SMARCAL1: variants seen among roughly 807,000 people sequenced by gnomAD.
SMARCAL1 encodes SNF2 related chromatin remodeling annealing helicase 1.
In SMARCAL1, 58 loss-of-function variants were observed where a neutral mutation model predicts 94.5. That is an observed-to-expected ratio of 0.61 (90% CI 0.50 to 0.76). The LOEUF (loss-of-function observed/expected upper bound fraction) is 0.76. SMARCAL1 is among the 30% of genes least tolerant of loss of function. The pLI is 0.00. For missense variants in SMARCAL1, 1,051 were observed against 1,177.9 expected (o/e 0.89, Z 1.58); for synonymous variants, 422 against 455.1 (o/e 0.93, Z 0.93).
intron 4 of SMARCAL1, among the ~76,000 whole-genome samples, chr2:216,419,775 ATAC>A (rs951423692): frequency 2.0e-5 from 3 of 152,130 alleles, no homozygotes; most frequent in Non-Finnish European, 4.4e-5. Context: ...GATGCCTGTA[ATAC>A]CAGCACTTCG....
chr2:216,447,391 G>A (rs1170342799), intron 11 of SMARCAL1, among the ~76,000 whole-genome samples: 3 of 152,106 alleles, frequency 2.0e-5, no homozygotes, highest in Non-Finnish European at 4.4e-5. Flanking sequence ...CGAAGTCATC[G>A]TTTTCCAGTA....
intron 13 of SMARCAL1, among the ~76,000 whole-genome samples, chr2:216,467,061 T>G (rs537866106): frequency 1.3e-5 from 2 of 152,304 alleles, no homozygotes; most frequent in South Asian, 4.1e-4. Context: ...GGGATTGTGA[T>G]CCCTCTTCAG....
intron 11 of SMARCAL1, among the ~76,000 whole-genome samples, chr2:216,450,051 C>A (rs1230501349): frequency 6.6e-6 from 1 of 152,076 alleles, no homozygotes; most frequent in African/African-American, 2.4e-5. Flanking sequence ...TGGCAAAACT[C>A]CTGACCTCAA....
chr2:216,445,348 T>C (rs1221901430), intron 10 of SMARCAL1, among the ~76,000 whole-genome samples: 1 of 152,124 alleles, frequency 6.6e-6, no homozygotes, highest in Non-Finnish European at 1.5e-5. Flanking sequence ...TCTTTTTTTG[T>C]AATGCTGCCT....
rs1451683277 is a variant in SMARCAL1, at chr2:216,451,059, A to G, written c.2065A>G (p.Lys689Glu). The G allele has an allele frequency of 6.2e-7, 1 of 1,613,740 alleles. No individual in the cohort carries two copies. The highest frequency in any genetic ancestry group is 8.5e-7 in the Non-Finnish European group (1 of 1,179,642). Reference protein sequence around the residue: ...AAAKEMTTKDKTKQQQKDALI... With the variant: ...AAAKEMTTKDETKQQQKDALI... ...AGCCAAGGAAATGACCACCAAGGAC[A>G]AAACTGTGAGTCCAGGGCTGGAGAC... Residue 689 changes from lysine (K) to glutamate (E), a missense_variant, in exon 12 of 18, where the codon AAA (lysine) becomes GAA (glutamate). Transcript: ENST00000357276.
intron 6 of SMARCAL1, 25 bp from the exon 7 acceptor site, chr2:216,428,571 C>G: frequency 1.2e-6 from 2 of 1,611,216 alleles, no homozygotes; most frequent in Non-Finnish European, 8.5e-7. Context: ...CACTCCAGCT[C>G]ATATGCTTCT....
At chr2:216,453,812 T>C (rs1574469728) in intron 12 of SMARCAL1, among the ~76,000 whole-genome samples, 1 of 152,226 alleles carries the variant, frequency 6.6e-6, no homozygotes, top group African/African-American at 2.4e-5. Context: ...CTGTCAAGAA[T>C]TGATTCTTTG....
chr2:216,414,498 T>C (rs1193099867), intron 2 of SMARCAL1, 149 bp from the exon 3 acceptor site: 1 of 588,216 alleles, frequency 1.7e-6, no homozygotes, highest in East Asian at 2.9e-5. Context: ...ACTATTTCAG[T>C]GTGTGTGCAA....
intron 7 of SMARCAL1, among the ~76,000 whole-genome samples, chr2:216,429,780 T>C (rs574381145): frequency 1.3e-5 from 2 of 152,272 alleles, no homozygotes; most frequent in East Asian, 3.9e-4. Flanking sequence ...CAGTGCACTT[T>C]ATTATGTTAC....
chr2:216,425,017 C>T (rs1407787846), intron 6 of SMARCAL1, among the ~76,000 whole-genome samples: 6 of 152,210 alleles, frequency 3.9e-5, no homozygotes, highest in Admixed American at 3.9e-4. Context: ...CTCCCAGGCT[C>T]AAGCGATTGT....
At chr2:216,438,913 G>A (rs933294821) in intron 10 of SMARCAL1, among the ~76,000 whole-genome samples, 8 of 152,274 alleles carry the variant, frequency 5.3e-5, no homozygotes, top group African/African-American at 1.9e-4. Context: ...CAGGGAAGAC[G>A]AGTTGTATTA....
At chr2:216,473,687 AAAG>A (rs891859815) in intron 14 of SMARCAL1, among the ~76,000 whole-genome samples, 4 of 152,216 alleles carry the variant, frequency 2.6e-5, no homozygotes, top group African/African-American at 9.7e-5. Flanking sequence ...CACATCAAAA[AAAG>A]AGACAGGAAA....
At chr2:216,434,692 G>A (rs894150381) in intron 8 of SMARCAL1, among the ~76,000 whole-genome samples, 2 of 151,476 alleles carry the variant, frequency 1.3e-5, no homozygotes, top group Admixed American at 6.6e-5. Flanking sequence ...AAGAAAGAAA[G>A]AAATTAGCCA....
chr2:216,447,558 G>GTGCC lies in SMARCAL1; in HGVS notation c.1851+400_1851+401insTGCC, dbSNP rs562067555. ...AGAGAAGATGCTGGCACTGAGGTGA[G>GTGCC]CTAGGAGTGAGGCTGAGGCCCCAGG... On this transcript the variant is annotated intron_variant, in intron 11 of 17. Coordinates refer to ENST00000357276, the MANE Select transcript of SMARCAL1 (RefSeq NM_014140.4). 3.0e-3 allele frequency among the ~76,000 whole-genome samples: 460 copies of GTGCC among 152,194 alleles called. 2 individuals are homozygous for GTGCC. Among genetic ancestry groups the GTGCC allele is most frequent in the Non-Finnish European group, 5.2e-3 (353 of 68,002 alleles).
In SMARCAL1 at chr2:216,441,894, C is replaced by T. The variant is rs139173327; in HGVS notation, c.1710+3409C>T. 6.6e-5 allele frequency among the ~76,000 whole-genome samples: 10 copies of T among 152,142 alleles called. No homozygotes were observed. The East Asian group carries it at 1.9e-3, about 29-fold the overall frequency. ...TTGGTTTAGTTTAGTTGTCTTTTGT[C>T]TACACTGGCTTTTATTGTTAAACTA... is the stretch of plus-strand genomic sequence containing the variant. On this transcript the variant is annotated intron_variant, in intron 10 of 17. Transcript: ENST00000357276.
At chr2:216,439,883 G>A (rs909722408) in intron 10 of SMARCAL1, among the ~76,000 whole-genome samples, 3 of 152,044 alleles carry the variant, frequency 2.0e-5, no homozygotes, top group African/African-American at 7.2e-5. Flanking sequence ...GCAACATGAC[G>A]AAATCCCGTC....
chr2:216,463,039 A>G (rs1290417678), intron 12 of SMARCAL1, among the ~76,000 whole-genome samples: 1 of 152,090 alleles, frequency 6.6e-6, no homozygotes, highest in East Asian at 1.9e-4. Context: ...TTTTTCCTCC[A>G]TCCATGGTTA....
rs1479638460 is a variant in SMARCAL1 at position 216,415,179 on chromosome 2, T to A, written c.475T>A (p.Phe159Ile). The change falls in exon 3 of 18, where the codon TTT (phenylalanine) becomes ATT (isoleucine). Residue 159 changes from phenylalanine to isoleucine, a missense_variant. Physicochemically the swap from Phe to Ile is conservative, Grantham distance 21. Around this residue, in one of 3 missense-constraint regions of SMARCAL1, gnomAD observed 398 missense variants for 395.2 expected, o/e 1.01. Transcript: ENST00000357276. ...QASPEIRFTP[F>I]ANPTHKPLAK... is the part of the protein sequence containing the mutation. Reference sequence around the variant, plus strand: ...TTCACCTGAGATCAGGTTCACACCCTTTGCTAACCCAACTCATAAGCCTCT... The same window carrying A: ...TTCACCTGAGATCAGGTTCACACCCATTGCTAACCCAACTCATAAGCCTCT... The A allele has an allele frequency of 6.2e-7, 1 of 1,613,604 alleles. No individual in the cohort carries two copies. The highest frequency in any genetic ancestry group is 8.5e-7 in the Non-Finnish European group (1 of 1,179,714).
At chr2:216,433,933 AAC>A (rs1346882402) in intron 8 of SMARCAL1, among the ~76,000 whole-genome samples, 1 of 151,106 alleles carries the variant, frequency 6.6e-6, no homozygotes, top group Non-Finnish European at 1.5e-5. Context: ...AAAAAAAAAA[AAC>A]ACTAAAAAAT....
Sources: gnomAD v4.1 joint callset for allele counts (sites outside exome capture counted in the v4.1 genomes callset) on GRCh38, gnomAD v4.1.1 for gene constraint, gnomAD v4.1.1 regional missense constraint, MANE v1.5 for transcripts, NCBI Gene and HGNC (gene_info 2026-07-23, HGNC 2026-07-21) for gene names.